The following TPD52L1 variants were observed in gnomAD, a reference collection of about 807,000 sequenced individuals.
The protein encoded by TPD52L1 is tumor protein D53.
Under a neutral mutation model 28.7 loss-of-function variants are expected in TPD52L1, and 18 were observed. That is an observed-to-expected ratio of 0.63 (90% CI 0.43 to 0.93). The LOEUF (loss-of-function observed/expected upper bound fraction) is 0.93. TPD52L1 is among the 40% of genes least tolerant of loss of function. The pLI, the probability that TPD52L1 is intolerant of heterozygous loss-of-function variation, is 0.00. For missense variants in TPD52L1, 203 were observed against 254.8 expected (o/e 0.80, Z 1.39); for synonymous variants, 75 against 88.8 (o/e 0.84, Z 0.88).
intron 6 of TPD52L1, among the ~76,000 whole-genome samples, chr6:125,259,647 A>T (rs1395104863): frequency 6.6e-6 from 1 of 152,250 alleles, no homozygotes; most frequent in Non-Finnish European, 1.5e-5. Flanking sequence ...CATGTCAAGC[A>T]GACCATATTT....
chr6:125,182,252 C>T (rs1388582170), intron 1 of TPD52L1, among the ~76,000 whole-genome samples: 2 of 152,196 alleles, frequency 1.3e-5, no homozygotes, highest in African/African-American at 2.4e-5. Context: ...GATGTGCAAA[C>T]ATCAGAAGCA....
At position 125,264,171 on chromosome 6, in the gene TPD52L1, T is replaced by C. The variant is rs1798202398; in HGVS notation, c.*1209T>C. 1 of 152,226 alleles carries C rather than the reference T, an allele frequency of 6.6e-6. No individual in the cohort carries two copies. Among genetic ancestry groups the C allele is most frequent in the South Asian group, 2.1e-4 (1 of 4,834 alleles). 9.4% of individuals were successfully genotyped at this position (152,226 alleles called of 1,614,324 possible). A position where few individuals can be genotyped will look rare whatever the true frequency, so the allele number is the denominator to read the frequency against. ...ATCTTATATATCATATGTATCTCTTTTCTTTTTCTAAATGGGAACATATAT... is the reference window on the plus strand; with the variant it reads ...ATCTTATATATCATATGTATCTCTTCTCTTTTTCTAAATGGGAACATATAT... On this transcript the variant is annotated 3_prime_UTR_variant, in exon 7 of 7. Coordinates refer to ENST00000534000, the MANE Select transcript of TPD52L1 (RefSeq NM_003287.4).
At chr6:125,226,012 G>C (rs779841808) in intron 2 of TPD52L1, among the ~76,000 whole-genome samples, 1 of 152,222 alleles carries the variant, frequency 6.6e-6, no homozygotes, top group African/African-American at 2.4e-5. Context: ...GTATTTGTAA[G>C]TAAAGACCTC....
rs548057892 is a variant in TPD52L1 at position 125,229,108 on chromosome 6, C to T, written c.136-10C>T. ...ACATTTTCCCCCACCATTTCCCCTCCGCCTTGTAGCTAGAAGACGAAATTA... is the reference window on the plus strand; with the variant it reads ...ACATTTTCCCCCACCATTTCCCCTCTGCCTTGTAGCTAGAAGACGAAATTA... On this transcript the variant is annotated splice_polypyrimidine_tract_variant and intron_variant, in intron 2 of 6. Transcript: ENST00000534000. 9.9e-6 allele frequency: 16 copies of T among 1,609,182 alleles called. No individual in the cohort carries two copies. Among genetic ancestry groups the T allele is most frequent in the Admixed American group, 5.1e-5 (3 of 59,200 alleles).
chr6:125,164,145 GCAGT>G (rs1790725240), intron 1 of TPD52L1, among the ~76,000 whole-genome samples: 2 of 152,126 alleles, frequency 1.3e-5, no homozygotes, highest in African/African-American at 2.4e-5. Context: ...GTATGCACAA[GCAGT>G]CAGTGTGCAA....
Position 125,262,977 on chromosome 6 carries a change from C to T in TPD52L1, c.*15C>T. ...TGCAGTGCTAAGTCCAGCCAGCGTG[C>T]AGCTGCATCCAGAAACCGGCCACTA... On this transcript the variant is annotated 3_prime_UTR_variant, in exon 7 of 7. Transcript: ENST00000534000. 1 of 1,607,362 alleles carries T rather than the reference C, an allele frequency of 6.2e-7. No homozygotes were observed. Among genetic ancestry groups the T allele is most frequent in the South Asian group, 1.1e-5 (1 of 90,360 alleles).
At chr6:125,155,130 C>G (rs990897287) in intron 1 of TPD52L1, among the ~76,000 whole-genome samples, 16 of 152,150 alleles carry the variant, frequency 1.1e-4, no homozygotes, top group African/African-American at 3.9e-4. Context: ...CTGCCGCTTC[C>G]CATATTTTTT....
At chr6:125,238,819 A>G (rs575901716) in intron 3 of TPD52L1, among the ~76,000 whole-genome samples, 3 of 152,192 alleles carry the variant, frequency 2.0e-5, no homozygotes, top group South Asian at 4.1e-4. Context: ...AATAAAGAAA[A>G]ATTTGGACTT....
At chr6:125,174,109 T>A (rs1791678253) in intron 1 of TPD52L1, among the ~76,000 whole-genome samples, 1 of 152,188 alleles carries the variant, frequency 6.6e-6, no homozygotes, top group African/African-American at 2.4e-5. Context: ...GATGATTGAG[T>A]GGCATGATGC....
intron 1 of TPD52L1, among the ~76,000 whole-genome samples, chr6:125,182,745 T>C (rs568204294): frequency 1.3e-5 from 2 of 152,326 alleles, no homozygotes; most frequent in African/African-American, 4.8e-5. Context: ...ACAGGATCGA[T>C]TCCATTTAAT....
chr6:125,171,932 ATTTTT>A (rs59372322), intron 1 of TPD52L1, among the ~76,000 whole-genome samples: 1 of 151,090 alleles, frequency 6.6e-6, no homozygotes, highest in Non-Finnish European at 1.5e-5. Context: ...TGGGATGTAT[ATTTTT>A]TTTTGTGCTC....
intron 1 of TPD52L1, among the ~76,000 whole-genome samples, chr6:125,159,020 T>C (rs1790332017): frequency 6.6e-6 from 1 of 152,210 alleles, no homozygotes; most frequent in African/African-American, 2.4e-5. Flanking sequence ...TGGTGGAGGG[T>C]CTTGCCTGGA....
At chr6:125,163,919 A>G (rs941729480) in intron 1 of TPD52L1, among the ~76,000 whole-genome samples, 2 of 149,672 alleles carry the variant, frequency 1.3e-5, no homozygotes, top group African/African-American at 4.9e-5. Flanking sequence ...TCTGTCTCAA[A>G]AAAAAAAAAA....
chr6:125,194,938 C>T (rs973762989), intron 1 of TPD52L1, among the ~76,000 whole-genome samples: 9 of 152,130 alleles, frequency 5.9e-5, no homozygotes, highest in African/African-American at 1.9e-4. Context: ...CTATAAACAC[C>T]AGCTCCAAAG....
intron 6 of TPD52L1, chr6:125,261,010 G>GA (rs1291202318): frequency 2.2e-4 from 6 of 27,452 alleles, no homozygotes; most frequent in Admixed American, 8.7e-4. Context: ...AAGAAAGAAA[G>GA]AAAGAAAGAA....
intron 1 of TPD52L1, among the ~76,000 whole-genome samples, chr6:125,188,975 T>C (rs1458824696): frequency 3.9e-5 from 6 of 152,230 alleles, no homozygotes; most frequent in Non-Finnish European, 2.9e-5. Flanking sequence ...TGCAATACTT[T>C]TAGAGAATTA....
chr6:125,225,893 T>A (rs966460277), intron 2 of TPD52L1, among the ~76,000 whole-genome samples: 5 of 152,152 alleles, frequency 3.3e-5, no homozygotes, highest in African/African-American at 9.6e-5. Flanking sequence ...GGAATCTGCA[T>A]TTTAAATATG....
Position 125,263,004 on chromosome 6 carries a change from C to A in TPD52L1, c.*42C>A, listed in dbSNP as rs1159080999. ...GCTGCATCCAGAAACCGGCCACTAC[C>A]CAGCCCATCTCTGCCTGTGCTTATC... On this transcript the variant is annotated 3_prime_UTR_variant, in exon 7 of 7. Coordinates refer to ENST00000534000, the MANE Select transcript of TPD52L1 (RefSeq NM_003287.4). 1.3e-6 allele frequency: 2 copies of A among 1,584,972 alleles called. No homozygotes were observed. Among genetic ancestry groups the A allele is most frequent in the African/African-American group, 2.7e-5 (2 of 74,046 alleles).
intron 2 of TPD52L1, among the ~76,000 whole-genome samples, chr6:125,227,551 A>G (rs1795688963): frequency 6.6e-6 from 1 of 152,212 alleles, no homozygotes; most frequent in Admixed American, 6.5e-5. Flanking sequence ...TTAGTAAGAA[A>G]TCCACTAAAG....
Sources: allele counts gnomAD v4.1 joint callset (sites outside exome capture counted in the v4.1 genomes callset), GRCh38; gene constraint gnomAD v4.1.1; transcripts MANE v1.5; gene names NCBI Gene and HGNC (gene_info 2026-07-23, HGNC 2026-07-21).